The following ESRRG variants were observed in gnomAD, a reference collection of about 807,000 sequenced individuals.
ESRRG encodes the protein estrogen-related receptor gamma.
A neutral mutation model predicts 44.0 loss-of-function variants in ESRRG; 13 were observed. The observed-to-expected ratio is 0.30, with a 90% CI of 0.19 to 0.47. The LOEUF (loss-of-function observed/expected upper bound fraction) is 0.47. Ranked by LOEUF, ESRRG falls within the 20% of genes least tolerant of loss-of-function variation. ESRRG has a pLI of 1.00. For synonymous variants in ESRRG, 215 were observed against 214.6 expected, an observed-to-expected ratio of 1.00 and a Z score of -0.02; for missense variants, 395 against 580.6, an observed-to-expected ratio of 0.68 and a Z score of 3.29.
At chr1:217,063,854 C>A (rs7540059) in intron 1 of ESRRG, among the ~76,000 whole-genome samples, 11,667 of 152,106 alleles carry the variant, frequency 0.077, 670 homozygotes, top group African/African-American at 0.16. Context: ...GTGATTCAAA[C>A]TTTGTGGTTC....
At chr1:216,634,207 C>T (rs1190903551) in intron 3 of ESRRG, among the ~76,000 whole-genome samples, 1 of 152,102 alleles carries the variant, frequency 6.6e-6, no homozygotes, top group African/African-American at 2.4e-5. Context: ...GTACAAGCTT[C>T]GGGTTATCTT....
chr1:216,947,179 T>C lies in ESRRG; in HGVS notation c.-105-7506A>G, dbSNP rs184634099. 2.0e-5 allele frequency among the ~76,000 whole-genome samples: 3 copies of C among 152,094 alleles called. No homozygotes were observed. The East Asian group carries it at 5.8e-4, about 29-fold the overall frequency. ...ATCACATGAAATTCCAAGAGAAAAA[T>C]ATAAATATACATATCCCAGAAGTGG... On this transcript the variant is annotated intron_variant, in intron 1 of 7. Coordinates refer to the ESRRG transcript ENST00000359162.
chr1:216,778,532 C>G (rs181340033), intron 2 of ESRRG, among the ~76,000 whole-genome samples: 198 of 151,998 alleles, frequency 1.3e-3, no homozygotes, highest in African/African-American at 4.6e-3. Flanking sequence ...GGTCACTTGG[C>G]AGTCAAGCAG....
At chr1:217,096,462 T>TA (rs2092424104) in intron 1 of ESRRG, among the ~76,000 whole-genome samples, 2 of 152,346 alleles carry the variant, frequency 1.3e-5, no homozygotes, top group Non-Finnish European at 2.9e-5. Context: ...TTCTGCCTCT[T>TA]ACTGCTTTTG....
chr1:216,662,626 T>TGCG (rs2072794186), intron 2 of ESRRG, among the ~76,000 whole-genome samples: 1 of 150,878 alleles, frequency 6.6e-6, no homozygotes, highest in African/African-American at 2.4e-5. Flanking sequence ...GCAGGGAGAG[T>TGCG]GGGGGGGTTC....
In ESRRG at chr1:216,506,815, A is replaced by C. The variant is rs980745069; in HGVS notation, c.*124T>G. Reference sequence around the variant, plus strand: ...AAGCTGCTTCATAGTCTTGCTGCTAAATTATCAGTGCAGTCTGTTGATTTT... The same window carrying C: ...AAGCTGCTTCATAGTCTTGCTGCTACATTATCAGTGCAGTCTGTTGATTTT... On this transcript the variant is annotated 3_prime_UTR_variant, in exon 7 of 7. Coordinates refer to ENST00000408911, the MANE Select transcript of ESRRG (RefSeq NM_001438.4). 2.8e-6 allele frequency: 3 copies of C among 1,080,534 alleles called. No individual in the cohort carries two copies. The highest frequency in any genetic ancestry group is 2.4e-4 in the Middle Eastern group (1 of 4,140). The allele number at this position is 1,080,534 out of a possible 1,614,324, so 66.9% of individuals were successfully genotyped here.
At chr1:216,775,738 A>AT (rs536253663) in intron 2 of ESRRG, among the ~76,000 whole-genome samples, 3 of 150,498 alleles carry the variant, frequency 2.0e-5, no homozygotes, top group African/African-American at 2.4e-5. Flanking sequence ...TTATTTTTGT[A>AT]TTTTTTTGTA....
chr1:216,987,831 A>G (rs1037775073), intron 1 of ESRRG, among the ~76,000 whole-genome samples: 2 of 152,156 alleles, frequency 1.3e-5, no homozygotes, highest in East Asian at 3.9e-4. Context: ...GAGCTGTACC[A>G]GGGAATTGAT....
intron 5 of ESRRG, among the ~76,000 whole-genome samples, chr1:216,546,305 C>T (rs998177121): frequency 2.6e-5 from 4 of 152,070 alleles, no homozygotes; most frequent in South Asian, 2.1e-4. Context: ...ATGAATTATT[C>T]GTTGTTGAGA....
chr1:216,977,341 T>TATATACACACAC (rs146010546), intron 1 of ESRRG, among the ~76,000 whole-genome samples: 1 of 144,000 alleles, frequency 6.9e-6, no homozygotes, highest in African/African-American at 2.6e-5. Context: ...GGAGGATACA[T>TATATACACACAC]ACACACACAC....
At chr1:216,983,847 C>T (rs990340094) in intron 1 of ESRRG, among the ~76,000 whole-genome samples, 1 of 151,930 alleles carries the variant, frequency 6.6e-6, no homozygotes, top group Non-Finnish European at 1.5e-5. Flanking sequence ...AACCTGCCTG[C>T]TAATTGGGTT....
intron 1 of ESRRG, among the ~76,000 whole-genome samples, chr1:217,071,621 G>A (rs1443854525): frequency 1.3e-5 from 2 of 152,128 alleles, no homozygotes; most frequent in South Asian, 2.1e-4. Context: ...CTTCAATATT[G>A]GCAATTTGTA....
chr1:216,589,895 C>T (rs1186987375), intron 3 of ESRRG, among the ~76,000 whole-genome samples: 1 of 71,286 alleles, frequency 1.4e-5, no homozygotes, highest in Non-Finnish European at 2.3e-5. Context: ...CAGGGTGAAA[C>T]TCTGTCTCAA....
intron 2 of ESRRG, among the ~76,000 whole-genome samples, chr1:216,914,420 A>G (rs2060875180): frequency 6.6e-6 from 1 of 152,152 alleles, no homozygotes; most frequent in Admixed American, 6.5e-5. Context: ...TCTTTTTCCC[A>G]TTGTAAGTTA....
intron 2 of ESRRG, among the ~76,000 whole-genome samples, chr1:216,869,117 T>C (rs532153576): frequency 1.3e-5 from 2 of 152,342 alleles, no homozygotes; most frequent in African/African-American, 4.8e-5. Context: ...TTTAGTGCCA[T>C]GTTTAAGAAC....
intron 1 of ESRRG, among the ~76,000 whole-genome samples, chr1:216,678,334 C>G (rs1201023963): frequency 6.6e-6 from 1 of 152,176 alleles, no homozygotes; most frequent in African/African-American, 2.4e-5. Context: ...TTTGAGCCTT[C>G]AGTATACCTG....
intron 2 of ESRRG, among the ~76,000 whole-genome samples, chr1:216,769,097 G>A (rs1257414361): frequency 6.6e-6 from 1 of 152,030 alleles, no homozygotes; most frequent in Non-Finnish European, 1.5e-5. Flanking sequence ...TTAAAAGATT[G>A]CCTCCTGACC....
At position 216,507,019 on chromosome 1, in the gene ESRRG, G is replaced by C; in HGVS notation, c.1297C>G (p.Gln433Glu). 6.2e-7 allele frequency: 1 copy of C among 1,614,118 alleles called. No individual in the cohort carries two copies. The highest frequency in any genetic ancestry group is 8.5e-7 in the Non-Finnish European group (1 of 1,180,008). The stretch of plus-strand genomic sequence containing the variant: ...TCTAGTTTGATGTTGTAGAAATGCT[G>C]CACGGCCTTGGTAGAGGTCTGCCTC... ...LLRQTSTKAV[Q>E]HFYNIKLEGK... is the part of the protein sequence containing the mutation. Residue 433 changes from glutamine (Q) to glutamate (E), a missense_variant, in exon 7 of 7, where the codon CAG becomes GAG. Around this residue, in one of 5 missense-constraint regions of ESRRG, gnomAD observed 167 missense variants for 251.8 expected, o/e 0.66. Coordinates refer to ENST00000408911, the MANE Select transcript of ESRRG (RefSeq NM_001438.4).
In ESRRG at chr1:216,519,284, C is replaced by T. The variant is rs267598381; in HGVS notation, c.1000G>A (p.Glu334Lys). 5.6e-6 allele frequency: 9 copies of T among 1,613,696 alleles called. No individual in the cohort carries two copies. Among genetic ancestry groups the T allele is most frequent in the East Asian group, 4.5e-5 (2 of 44,866 alleles). ...AGGCCTGCTAATTTGGACTGGTCTT[C>T]GTCCATTATATAATCGTCTGCATAG... ...LVYADDYIMD[E>K]DQSKLAGLLD... is the part of the protein sequence containing the mutation. Residue 334 changes from glutamate (E) to lysine (K), a missense_variant, in exon 6 of 7, where the codon GAA becomes AAA. Around this residue, in one of 5 missense-constraint regions of ESRRG, gnomAD observed 167 missense variants for 251.8 expected, o/e 0.66. Coordinates refer to ENST00000408911, the MANE Select transcript of ESRRG (RefSeq NM_001438.4).
Sources: gnomAD v4.1 joint callset for allele counts (sites outside exome capture counted in the v4.1 genomes callset) on GRCh38, gnomAD v4.1.1 for gene constraint, gnomAD v4.1.1 regional missense constraint, MANE v1.5 for transcripts, NCBI Gene and HGNC (gene_info 2026-07-23, HGNC 2026-07-21) for gene names.